Variants in RIMS2 observed in about 807,000 individuals in gnomAD.
RIMS2 encodes regulating synaptic membrane exocytosis 2, also known as regulating synaptic membrane exocytosis protein 2.
In RIMS2, 59 loss-of-function variants were observed where a neutral mutation model predicts 174.4. The observed-to-expected ratio is 0.34, with a 90% CI of 0.27 to 0.42. RIMS2 has a LOEUF of 0.42. Among genes scored for constraint, RIMS2 ranks in the 10% least tolerant of loss-of-function variants. The pLI is 1.00. For missense variants in RIMS2, 1,620 were observed against 1,666.3 expected (o/e 0.97, Z 0.48); for synonymous variants, 606 against 572.5 (o/e 1.06, Z -0.84).
At chr8:103,677,615 C>T (rs1480492523) in intron 1 of RIMS2, among the ~76,000 whole-genome samples, 1 of 152,148 alleles carries the variant, frequency 6.6e-6, no homozygotes, top group African/African-American at 2.4e-5. Context: ...TGCTTGGTTA[C>T]CCAATGCTCC....
In RIMS2 at chr8:103,705,156, T is replaced by C. The variant is rs2097209980; in HGVS notation, c.387+7860T>C. Among the ~76,000 whole-genome samples, 3 of 152,068 alleles carry C rather than the reference T, an allele frequency of 2.0e-5. No homozygotes were observed. The South Asian group carries it at 6.2e-4, about 32-fold the overall frequency. The stretch of plus-strand genomic sequence containing the variant: ...AGTAATTTAGTATTTCCATTTAAAT[T>C]TGTTCCAAGACAATTTTTAAATTTT... On this transcript the variant is annotated intron_variant, in intron 2 of 23. Coordinates refer to ENST00000504942, the Ensembl canonical transcript of RIMS2.
chr8:103,986,734 G>C (rs1021427401), intron 16 of RIMS2, among the ~76,000 whole-genome samples: 1 of 151,870 alleles, frequency 6.6e-6, no homozygotes, highest in Non-Finnish European at 1.5e-5. Context: ...TTAACCAGGC[G>C]TGGTGAAAGG....
Position 103,834,454 on chromosome 8 carries a change from G to A in RIMS2, c.699-50844G>A, listed in dbSNP as rs190289594. Reference sequence around the variant, plus strand: ...TGGGTTGAAGGAATCCTCCTGCCACGGCCTCCCAAAGTACTGGGATTGTAG... The same window carrying A: ...TGGGTTGAAGGAATCCTCCTGCCACAGCCTCCCAAAGTACTGGGATTGTAG... On this transcript the variant is annotated intron_variant, in intron 3 of 23. Transcript: ENST00000504942. Among the ~76,000 whole-genome samples, 930 of 150,426 alleles carry A rather than the reference G, an allele frequency of 6.2e-3. 12 individuals are homozygous for A. Among genetic ancestry groups the A allele is most frequent in the African/African-American group, 0.021 (880 of 41,058 alleles).
intron 2 of RIMS2, among the ~76,000 whole-genome samples, chr8:103,733,040 A>G (rs561570583): frequency 2.6e-4 from 39 of 152,180 alleles, no homozygotes; most frequent in Admixed American, 6.5e-4. Flanking sequence ...GCTGAGTAAC[A>G]CCTGAGGGCA....
At chr8:103,652,222 A>C in intron 1 of RIMS2, 1 of 1,349,350 alleles carries the variant, frequency 7.4e-7, no homozygotes, top group Non-Finnish European at 9.8e-7. Context: ...GAAGAACACA[A>C]ACCACAACTG....
chr8:104,238,057 C>T (rs996447501), intron 19 of RIMS2, among the ~76,000 whole-genome samples: 7 of 152,058 alleles, frequency 4.6e-5, no homozygotes, highest in East Asian at 1.9e-4. Context: ...CCCAAATGCC[C>T]GTCAATGATA....
At chr8:103,813,634 TG>T (rs2098702208) in intron 3 of RIMS2, among the ~76,000 whole-genome samples, 1 of 152,136 alleles carries the variant, frequency 6.6e-6, no homozygotes, top group South Asian at 2.1e-4. Flanking sequence ...GTCCCATCTA[TG>T]AGTGGGAGCA....
intron 19 of RIMS2, among the ~76,000 whole-genome samples, chr8:104,213,662 G>A (rs893749562): frequency 2.6e-5 from 4 of 152,210 alleles, no homozygotes; most frequent in African/African-American, 9.6e-5. Context: ...AGATAACGAG[G>A]TCAAGAGATC....
At chr8:103,883,382 G>A (rs1044742601) in intron 3 of RIMS2, among the ~76,000 whole-genome samples, 7 of 151,598 alleles carry the variant, frequency 4.6e-5, no homozygotes, top group African/African-American at 1.7e-4. Flanking sequence ...TTAGTCAAAT[G>A]TATAAAAGTA....
At chr8:103,540,751 A>G (rs1186443006) in intron 1 of RIMS2, among the ~76,000 whole-genome samples, 1 of 152,220 alleles carries the variant, frequency 6.6e-6, no homozygotes, top group Non-Finnish European at 1.5e-5. Flanking sequence ...AAATACAGAG[A>G]AACCATTCAA....
intron 19 of RIMS2, among the ~76,000 whole-genome samples, chr8:104,199,245 A>G (rs961520529): frequency 2.6e-5 from 4 of 151,922 alleles, no homozygotes; most frequent in South Asian, 2.1e-4. Context: ...GTATTTTTTA[A>G]TAGAGACGGG....
At chr8:103,912,756 G>T (rs1209801987) in intron 6 of RIMS2, among the ~76,000 whole-genome samples, 1 of 151,888 alleles carries the variant, frequency 6.6e-6, no homozygotes, top group Non-Finnish European at 1.5e-5. Context: ...AAAATTATTT[G>T]GTAAATACAT....
chr8:104,018,842 A>G lies in RIMS2; in HGVS notation c.3334+4227A>G, dbSNP rs143423121. Among the ~76,000 whole-genome samples, 482 of 152,276 alleles carry G rather than the reference A, an allele frequency of 3.2e-3. 4 individuals are homozygous for G. In the Middle Eastern group the frequency reaches 0.092, roughly 29 times the overall value. ...ATTACAGGCTTCTCTTCTTCATCCC[A>G]GTTCAATATTACTCTAACATTTATT... On this transcript the variant is annotated intron_variant, in intron 19 of 23. Coordinates refer to ENST00000504942, the Ensembl canonical transcript of RIMS2.
intron 2 of RIMS2, among the ~76,000 whole-genome samples, chr8:103,745,349 A>G (rs2097798648): frequency 6.6e-6 from 1 of 151,814 alleles, no homozygotes; most frequent in Non-Finnish European, 1.5e-5. Context: ...TGGTTATACC[A>G]CATTTTTTTT....
chr8:104,087,871 T>G (rs901505388), intron 19 of RIMS2, among the ~76,000 whole-genome samples: 1 of 152,222 alleles, frequency 6.6e-6, no homozygotes, highest in Non-Finnish European at 1.5e-5. Flanking sequence ...TTCGTTAGGC[T>G]CAGCTTTACT....
intron 21 of RIMS2, among the ~76,000 whole-genome samples, chr8:104,249,050 TC>T (rs2099350375): frequency 6.6e-6 from 1 of 151,454 alleles, no homozygotes; most frequent in Admixed American, 6.6e-5. Context: ...CACCTCATCT[TC>T]CCAAGTAGCT....
intron 19 of RIMS2, among the ~76,000 whole-genome samples, chr8:104,189,896 C>T (rs2098989003): frequency 6.6e-6 from 1 of 151,838 alleles, no homozygotes; most frequent in Non-Finnish European, 1.5e-5. Flanking sequence ...ATCCAACTAC[C>T]TCATTGATTG....
intron 17 of RIMS2, among the ~76,000 whole-genome samples, chr8:104,009,712 G>A (rs1470521112): frequency 1.3e-5 from 2 of 152,092 alleles, no homozygotes; most frequent in African/African-American, 2.4e-5. Context: ...AATTTAAGAT[G>A]TCAGCTTTAT....
intron 17 of RIMS2, among the ~76,000 whole-genome samples, chr8:103,994,502 A>G (rs181862765): frequency 2.6e-5 from 4 of 152,258 alleles, no homozygotes; most frequent in African/African-American, 4.8e-5. Context: ...GTCATTATGC[A>G]TATTTAAGAC....
Sources: gnomAD v4.1 joint callset for allele counts (sites outside exome capture counted in the v4.1 genomes callset) on GRCh38, gnomAD v4.1.1 for gene constraint, MANE v1.5 for transcripts, NCBI Gene and HGNC (gene_info 2026-07-23, HGNC 2026-07-21) for gene names.